The following RBFOX3 variants were observed in gnomAD, a reference collection of about 807,000 sequenced individuals.
RBFOX3 encodes RNA binding fox-1 homolog 3, also known as RNA binding protein fox-1 homolog 3.
Under a neutral mutation model 48.7 loss-of-function variants are expected in RBFOX3, and 17 were observed. That is an observed-to-expected ratio of 0.35 (90% confidence interval 0.24 to 0.52). The LOEUF (loss-of-function observed/expected upper bound fraction) is 0.52, where lower values mean the gene tolerates loss of function less well. Among genes scored for constraint, RBFOX3 ranks in the 20% least tolerant of loss-of-function variants. The pLI is 0.94. For synonymous variants in RBFOX3, 212 were observed against 209.5 expected (o/e 1.01, Z -0.10); for missense variants, 382 against 497.5 (o/e 0.77, Z 2.21).
Position 79,383,031 on chromosome 17 carries a change from A to AACACACACACACACACACAC in RBFOX3, c.-174-75227_-174-75208dup, listed in dbSNP as rs60851419. Among the ~76,000 whole-genome samples the AACACACACACACACACACAC allele has an allele frequency of 1.0e-3, 147 of 141,392 alleles. 2 individuals are homozygous for AACACACACACACACACACAC. Among genetic ancestry groups the AACACACACACACACACACAC allele is most frequent in the South Asian group, 2.9e-3 (13 of 4,414 alleles). The allele number at this position is 141,392 out of a possible 152,430, so 92.8% of individuals were successfully genotyped here. On this transcript the variant is annotated intron_variant, in intron 2 of 14. Transcript: ENST00000693108. The stretch of plus-strand genomic sequence containing the variant: ...CAAATCAATCAATCTCTGCCTCTCA[A>AACACACACACACACACACAC]ACACACACACACACACACACACACA...
Position 79,246,787 on chromosome 17 carries a change from C to T in RBFOX3, c.-73-10982G>A, listed in dbSNP as rs536802910. On this transcript the variant is annotated intron_variant, in intron 3 of 14. Coordinates refer to ENST00000693108, the MANE Select transcript of RBFOX3 (RefSeq NM_001350451.2). ...GGATGTGGCTGGACCGAGGACGCGG[C>T]CTCCCAGCAGAAGTGTTGCAGGGGA... Among the ~76,000 whole-genome samples the T allele has an allele frequency of 5.3e-5, 8 of 152,306 alleles. No individual in the cohort carries two copies. The South Asian group carries it at 1.2e-3, about 24-fold the overall frequency.
intron 2 of RBFOX3, among the ~76,000 whole-genome samples, chr17:79,317,777 G>A (rs4790008): frequency 6.6e-6 from 1 of 152,096 alleles, no homozygotes; most frequent in Non-Finnish European, 1.5e-5. Context: ...AAGTTGCAAT[G>A]TTCGATGAGG....
intron 1 of RBFOX3, among the ~76,000 whole-genome samples, chr17:79,544,845 C>G (rs1007565411): frequency 6.6e-6 from 1 of 151,928 alleles, no homozygotes; most frequent in Non-Finnish European, 1.5e-5. Context: ...TCACTCCTCT[C>G]CAAGAGAACT....
chr17:79,220,838 C>G lies in RBFOX3; in HGVS notation c.-34+14928G>C, dbSNP rs2059634482. On this transcript the variant is annotated intron_variant, in intron 4 of 14. Transcript: ENST00000693108. The surrounding 1 kb of genome is among the most constrained non-coding windows in gnomAD (Gnocchi z 5.9). Reference sequence around the variant, plus strand: ...AGCAGCTCCTGCAGAGGCGGGGCGGCTCTCCAGGCCTGGAGCGTGGGCCAA... The same window carrying G: ...AGCAGCTCCTGCAGAGGCGGGGCGGGTCTCCAGGCCTGGAGCGTGGGCCAA... Among the ~76,000 whole-genome samples the G allele has an allele frequency of 6.6e-6, 1 of 152,044 alleles. No individual in the cohort carries two copies. The highest frequency in any genetic ancestry group is 2.1e-4 in the South Asian group (1 of 4,812).
chr17:79,322,338 C>A (rs935961518), intron 2 of RBFOX3, among the ~76,000 whole-genome samples: 1 of 152,188 alleles, frequency 6.6e-6, no homozygotes, highest in Non-Finnish European at 1.5e-5. Flanking sequence ...GCACTCCGAA[C>A]TGGAATGCTG....
At chr17:79,187,629 C>CTG (rs1007703161) in intron 4 of RBFOX3, among the ~76,000 whole-genome samples, 6 of 151,870 alleles carry the variant, frequency 4.0e-5, no homozygotes, top group Admixed American at 2.0e-4. Flanking sequence ...GTGTGCGTGC[C>CTG]TGTGTGTGTG....
the RBFOX3 span, among the ~76,000 whole-genome samples, chr17:79,623,862 C>T: frequency 6.2e-4 from 91 of 147,404 alleles, no homozygotes; most frequent in African/African-American, 2.3e-3. Context: ...GCAAGAGAGT[C>T]GGTGTCAGAG....
In RBFOX3 at chr17:79,574,263, C is replaced by T. The variant is rs945864700; in HGVS notation, c.-320+36563G>A. ...CTGGGCAGAATGAGGCTGAGGCCTGCTGGACTGCATTCCCTGGACATTAAG... is the reference window on the plus strand; with the variant it reads ...CTGGGCAGAATGAGGCTGAGGCCTGTTGGACTGCATTCCCTGGACATTAAG... On this transcript the variant is annotated intron_variant, in intron 1 of 14. Coordinates refer to ENST00000693108, the MANE Select transcript of RBFOX3 (RefSeq NM_001350451.2). Among the ~76,000 whole-genome samples the T allele has an allele frequency of 7.9e-3, 1,199 of 152,306 alleles. 18 individuals carry two copies. The highest frequency in any genetic ancestry group is 0.027 in the African/African-American group (1,140 of 41,556).
chr17:79,650,105 T>C, the RBFOX3 span, among the ~76,000 whole-genome samples: 2 of 152,314 alleles, frequency 1.3e-5, no homozygotes, highest in African/African-American at 4.8e-5. Flanking sequence ...TATCAGTGCC[T>C]GTGCAAGGAC....
rs1191833386 is a variant in RBFOX3 at position 79,104,246 on chromosome 17, A to G, written c.361-120T>C. 20 of 933,118 alleles carry G rather than the reference A, an allele frequency of 2.1e-5. 1 individual carries two copies. In the South Asian group the frequency reaches 2.7e-4, roughly 13 times the overall value. 57.8% of individuals were successfully genotyped at this position (933,118 alleles called of 1,614,324 possible). ...TGCCTGTGCTCTGCCCTCGGCCCCC[A>G]GCTTGGGAAAGGAGACCGGGGACCC... On this transcript the variant is annotated intron_variant, in intron 6 of 14. Transcript: ENST00000693108.
At chr17:79,488,162 A>AT (rs1451881222) in intron 1 of RBFOX3, among the ~76,000 whole-genome samples, 1 of 152,040 alleles carries the variant, frequency 6.6e-6, no homozygotes, top group Non-Finnish European at 1.5e-5. Context: ...TACATCCTGG[A>AT]TTTTTTTCCG....
chr17:79,570,698 C>A (rs2092643846), intron 1 of RBFOX3, among the ~76,000 whole-genome samples: 1 of 152,162 alleles, frequency 6.6e-6, no homozygotes, highest in Non-Finnish European at 1.5e-5. Flanking sequence ...CAGACCCCAC[C>A]CCTGGGGACC....
rs184879950 is a variant in RBFOX3 at position 79,132,146 on chromosome 17, C to T, written c.-33-16398G>A. On this transcript the variant is annotated intron_variant, in intron 4 of 14. Transcript: ENST00000693108. ...TCACCTCGATGGTCAATCAGACGGA[C>T]GGAAACACCAACAGTTCCCAGCTCC... is the stretch of plus-strand genomic sequence containing the variant. Among the ~76,000 whole-genome samples the T allele has an allele frequency of 1.4e-3, 215 of 151,722 alleles. 1 individual carries two copies. Among genetic ancestry groups the T allele is most frequent in the African/African-American group, 4.8e-3 (198 of 41,344 alleles).
At chr17:79,387,928 G>A (rs1054929122) in intron 2 of RBFOX3, among the ~76,000 whole-genome samples, 17 of 152,214 alleles carry the variant, frequency 1.1e-4, no homozygotes, top group Middle Eastern at 3.4e-3. Context: ...GCATACATGC[G>A]TGTGCATGTG....
intron 6 of RBFOX3, 134 bp from the exon 7 acceptor site, chr17:79,104,260 G>A: frequency 1.2e-6 from 1 of 823,702 alleles, no homozygotes; most frequent in South Asian, 1.6e-5. Context: ...TGGGAAAGGA[G>A]ACCGGGGACC....
At chr17:79,260,438 T>C (rs2148452495) in intron 3 of RBFOX3, among the ~76,000 whole-genome samples, 1 of 152,266 alleles carries the variant, frequency 6.6e-6, no homozygotes, top group South Asian at 2.1e-4. Flanking sequence ...CTAGGAACCC[T>C]GAGAAGAAAG....
chr17:79,323,577 C>G (rs990113367), intron 2 of RBFOX3, among the ~76,000 whole-genome samples: 4 of 152,234 alleles, frequency 2.6e-5, no homozygotes, highest in African/African-American at 9.6e-5. Flanking sequence ...ATGCAGAGTA[C>G]TCAGTGACTC....
intron 1 of RBFOX3, chr17:79,600,448 G>C (rs1329176002): frequency 1.3e-5 from 2 of 152,240 alleles, no homozygotes; most frequent in Non-Finnish European, 2.9e-5. Flanking sequence ...GCAGGTGGGG[G>C]TCCACTATCC....
chr17:79,219,890 C>A (rs1309828277), intron 4 of RBFOX3, among the ~76,000 whole-genome samples: 1 of 151,866 alleles, frequency 6.6e-6, no homozygotes, highest in African/African-American at 2.4e-5. Flanking sequence ...CTAGTGTATC[C>A]CCTGCCGGGT....
Sources: gnomAD v4.1 joint callset for allele counts (sites outside exome capture counted in the v4.1 genomes callset) on GRCh38, gnomAD v4.1.1 for gene constraint, Gnocchi (gnomAD v3.1) non-coding constraint, MANE v1.5 for transcripts, NCBI Gene and HGNC (gene_info 2026-07-23, HGNC 2026-07-21) for gene names.